Variants in PPT1 observed in about 807,000 individuals in gnomAD.
The protein encoded by PPT1 is palmitoyl-protein thioesterase 1.
PPT1 carries 24 observed loss-of-function variants against 44.0 expected under a neutral mutation model. That is an observed-to-expected ratio of 0.54 (90% CI 0.39 to 0.77). The LOEUF is 0.77. Among genes scored for constraint, PPT1 ranks in the 30% least tolerant of loss-of-function variants. PPT1 has a pLI of 0.00. For missense variants in PPT1, 341 were observed against 378.8 expected, an observed-to-expected ratio of 0.90 and a Z score of 0.83; for synonymous variants, 148 against 140.2, an observed-to-expected ratio of 1.06 and a Z score of -0.39.
At chr1:40,083,530 A>C (rs1649094575) in intron 5 of PPT1, among the ~76,000 whole-genome samples, 2 of 152,232 alleles carry the variant, frequency 1.3e-5, no homozygotes, top group African/African-American at 2.4e-5. Context: ...CTCATTAAAA[A>C]GCACCTGGTC....
rs143154573 is a variant in PPT1, at chr1:40,079,571, T to G, written c.627+826A>C. Among the ~76,000 whole-genome samples, 471 of 152,118 alleles carry G rather than the reference T, an allele frequency of 3.1e-3. 17 individuals are homozygous for G. In the East Asian group the frequency reaches 0.069, roughly 22 times the overall value. On this transcript the variant is annotated intron_variant, in intron 6 of 8. Coordinates refer to ENST00000642050, the MANE Select transcript of PPT1 (RefSeq NM_000310.4). ...GCCACCACATCCAGCTAATTTTGTATTTTTAGTAGAGACAGGGTTTCACTA... is the reference window on the plus strand; with the variant it reads ...GCCACCACATCCAGCTAATTTTGTAGTTTTAGTAGAGACAGGGTTTCACTA...
At chr1:40,090,336 G>A (rs1241751446) in intron 4 of PPT1, among the ~76,000 whole-genome samples, 1 of 150,898 alleles carries the variant, frequency 6.6e-6, no homozygotes, top group African/African-American at 2.4e-5. Flanking sequence ...ATTTTATCGT[G>A]TATATATATA....
In PPT1 at chr1:40,089,484, T is replaced by A. The variant is rs1649440317; in HGVS notation, c.462A>T (p.Gly154=). 6.2e-7 allele frequency: 1 copy of A among 1,614,072 alleles called. No homozygotes were observed. Among genetic ancestry groups the A allele is most frequent in the Non-Finnish European group, 8.5e-7 (1 of 1,179,992 alleles). The part of the protein sequence containing the change: ...QGVFGLPRCP[G]ESSHICDFIR... ...TGAAGTCACAGATGTGAGAGCTCTC[T>A]CCTGGGCATCGAGGGAGTCCAAAAA... The change falls in exon 5 of 9, where the codon GGA becomes GGT. Residue 154 remains glycine, a synonymous_variant. Coordinates refer to ENST00000642050, the MANE Select transcript of PPT1 (RefSeq NM_000310.4).
intron 1 of PPT1, among the ~76,000 whole-genome samples, chr1:40,095,489 ATC>A (rs1302915739): frequency 2.0e-5 from 3 of 152,158 alleles, no homozygotes; most frequent in Non-Finnish European, 4.4e-5. Context: ...TCTCATGAGG[ATC>A]TCAAGTTTAG....
At chr1:40,093,624 C>T (rs1453580150) in intron 1 of PPT1, among the ~76,000 whole-genome samples, 3 of 152,084 alleles carry the variant, frequency 2.0e-5, no homozygotes, top group East Asian at 1.9e-4. Context: ...TCATGGCTCA[C>T]GTCTGTAATC....
intron 5 of PPT1, among the ~76,000 whole-genome samples, chr1:40,081,319 T>C (rs1648925169): frequency 6.6e-6 from 1 of 152,026 alleles, no homozygotes; most frequent in African/African-American, 2.4e-5. Context: ...GCAGATCGCC[T>C]GAGGTCAGGA....
In PPT1 at chr1:40,089,507, A is replaced by G. The variant is rs1649442692; in HGVS notation, c.439T>C (p.Phe147Leu). The G allele has an allele frequency of 6.2e-7, 1 of 1,612,636 alleles. No homozygotes were observed. The highest frequency in any genetic ancestry group is 1.3e-5 in the African/African-American group (1 of 75,026). ...ISVGGQHQGV[F>L]GLPRCPGESS... is the part of the protein sequence containing the mutation. ...TCTCCTGGGCATCGAGGGAGTCCAA[A>G]AACACCTACAGTGGTAGATGACAAA... is the stretch of plus-strand genomic sequence containing the variant. Residue 147 changes from phenylalanine (F) to leucine (L), a missense_variant, in exon 5 of 9, where the codon TTT becomes CTT. Coordinates refer to ENST00000642050, the MANE Select transcript of PPT1 (RefSeq NM_000310.4).
rs1648757255 is a variant in PPT1, at chr1:40,078,632, G to T, written c.654C>A (p.Asn218Lys). 6 of 1,613,764 alleles carry T rather than the reference G, an allele frequency of 3.7e-6. No individual in the cohort carries two copies. The highest frequency in any genetic ancestry group is 4.2e-6 in the Non-Finnish European group (5 of 1,179,844). Reference sequence around the variant, plus strand: ...TCACAAACTTCTTCAGGGCCATCAGGTTTTTCTTGTAGGACTCATTGATAC... The same window carrying T: ...TCACAAACTTCTTCAGGGCCATCAGTTTTTTCTTGTAGGACTCATTGATAC... ...ERGINESYKK[N>K]LMALKKFVMV... The change falls in exon 7 of 9, where the codon AAC (asparagine) becomes AAA (lysine). Residue 218 changes from asparagine (N) to lysine (K), a missense_variant. Transcript: ENST00000642050.
chr1:40,079,077 A>C (rs1365244354), intron 6 of PPT1, among the ~76,000 whole-genome samples: 2 of 152,088 alleles, frequency 1.3e-5, no homozygotes, highest in African/African-American at 2.4e-5. Context: ...TCCCACTTAT[A>C]AGTGAGAACA....
intron 8 of PPT1, 109 bp downstream of exon 8, chr1:40,076,733 G>A: frequency 6.3e-7 from 1 of 1,596,728 alleles, no homozygotes; most frequent in South Asian, 1.1e-5. Context: ...GGAGTACCTA[G>A]TGCTCTGAGG....
intron 5 of PPT1, among the ~76,000 whole-genome samples, chr1:40,088,494 T>C (rs1185674959): frequency 6.6e-6 from 1 of 152,176 alleles, no homozygotes; most frequent in Non-Finnish European, 1.5e-5. Flanking sequence ...TGAATTTCCC[T>C]GTGGTTCTGA....
chr1:40,075,572 A>C (rs2124468384), intron 8 of PPT1, among the ~76,000 whole-genome samples: 1 of 151,972 alleles, frequency 6.6e-6, no homozygotes, highest in South Asian at 2.1e-4. Context: ...CCAAGCCAAG[A>C]GGAGACAAAT....
chr1:40,071,732 A>G, downstream of PPT1: 1 of 567,514 alleles, frequency 1.8e-6, no homozygotes, highest in South Asian at 2.3e-5. Flanking sequence ...GATCTTCTGC[A>G]GGAAGGTGCA....
At chr1:40,078,253 A>G (rs1648732089) in intron 7 of PPT1, among the ~76,000 whole-genome samples, 2 of 152,214 alleles carry the variant, frequency 1.3e-5, no homozygotes, top group African/African-American at 4.8e-5. Context: ...GCTGGGGTGC[A>G]GTGGCACGAT....
At chr1:40,096,942 C>T in intron 1 of PPT1, 173 bp downstream of exon 1, 2 of 1,153,910 alleles carry the variant, frequency 1.7e-6, no homozygotes, top group Non-Finnish European at 2.5e-6. Flanking sequence ...GTGAAGGGGA[C>T]GGCTCCTTCC....
intron 2 of PPT1, 67 bp from the exon 3 acceptor site, chr1:40,092,239 A>T: frequency 6.2e-7 from 1 of 1,602,482 alleles, no homozygotes; most frequent in Non-Finnish European, 8.6e-7. Context: ...CTTCTCTAAG[A>T]GGTAAACTCA....
chr1:40,089,380 T>C, intron 5 of PPT1, 30 bp downstream of exon 5: 2 of 1,552,756 alleles, frequency 1.3e-6, no homozygotes, highest in East Asian at 4.5e-5. Flanking sequence ...CGGTGACAGG[T>C]CTGTAATCTT....
intron 5 of PPT1, among the ~76,000 whole-genome samples, chr1:40,087,328 C>T (rs961120196): frequency 3.3e-5 from 5 of 151,926 alleles, no homozygotes; most frequent in East Asian, 1.9e-4. Context: ...CTGCAACCTC[C>T]GCCTTCTGGG....
At chr1:40,092,368 C>T (rs765303425) in intron 2 of PPT1, 30 bp downstream of exon 2, 1 of 1,564,318 alleles carries the variant, frequency 6.4e-7, no homozygotes, top group South Asian at 1.1e-5. Context: ...GTCAGCAACC[C>T]TTCAAAGGAA....
Sources: gnomAD v4.1 joint callset for allele counts (sites outside exome capture counted in the v4.1 genomes callset) on GRCh38, gnomAD v4.1.1 for gene constraint, MANE v1.5 for transcripts, NCBI Gene and HGNC (gene_info 2026-07-23, HGNC 2026-07-21) for gene names.